Variants in DPP10 observed in about 807,000 individuals in gnomAD.
DPP10 encodes the protein inactive dipeptidyl peptidase 10.
Under a neutral mutation model 120.9 loss-of-function variants are expected in DPP10, and 33 were observed. That is an observed-to-expected ratio of 0.27 (90% CI 0.21 to 0.37). The LOEUF (loss-of-function observed/expected upper bound fraction) is 0.37, where lower values mean the gene tolerates loss of function less well. Among genes scored for constraint, DPP10 ranks in the 10% least tolerant of loss-of-function variants. DPP10 has a pLI of 1.00. For missense variants in DPP10, 816 were observed against 942.8 expected, an observed-to-expected ratio of 0.87 and a Z score of 1.76; for synonymous variants, 337 against 326.1, an observed-to-expected ratio of 1.03 and a Z score of -0.36.
chr2:115,000,145 A>G (rs1258957400), intron 1 of DPP10, among the ~76,000 whole-genome samples: 1 of 151,070 alleles, frequency 6.6e-6, no homozygotes, highest in Admixed American at 6.6e-5. Context: ...TTTTTTCTCC[A>G]TCTTTTCTAC....
chr2:115,167,170 A>G (rs1436788293), intron 1 of DPP10, among the ~76,000 whole-genome samples: 1 of 151,966 alleles, frequency 6.6e-6, no homozygotes, highest in Non-Finnish European at 1.5e-5. Context: ...GTTAAATGAA[A>G]TAATATGTAG....
chr2:114,934,623 C>CGTGT (rs144826118), intron 1 of DPP10, among the ~76,000 whole-genome samples: 1 of 150,056 alleles, frequency 6.7e-6, no homozygotes, highest in Non-Finnish European at 1.5e-5. Context: ...ACTCTGTGTG[C>CGTGT]GTGTGTGTGT....
intron 1 of DPP10, among the ~76,000 whole-genome samples, chr2:115,014,082 A>T (rs993919971): frequency 6.6e-6 from 1 of 152,198 alleles, no homozygotes; most frequent in African/African-American, 2.4e-5. Context: ...AAAATTGACC[A>T]CATAATTGGA....
intron 5 of DPP10, among the ~76,000 whole-genome samples, chr2:115,550,043 A>G (rs1017829601): frequency 6.6e-6 from 1 of 152,134 alleles, no homozygotes; most frequent in Admixed American, 6.6e-5. Context: ...GGTAGAATTA[A>G]TTCCACTCAA....
intron 5 of DPP10, among the ~76,000 whole-genome samples, chr2:115,585,451 C>T (rs183045325): frequency 8.7e-4 from 133 of 152,300 alleles, no homozygotes; most frequent in African/African-American, 3.0e-3. Flanking sequence ...TTTGTTGTTG[C>T]TAATTGCAGT....
At chr2:115,238,492 C>G (rs546179691) in intron 1 of DPP10, among the ~76,000 whole-genome samples, 24 of 152,234 alleles carry the variant, frequency 1.6e-4, no homozygotes. Flanking sequence ...TATTTCAAAT[C>G]TTATTTTTTC....
chr2:114,852,784 C>T (rs780598872), intron 1 of DPP10, among the ~76,000 whole-genome samples: 5 of 152,052 alleles, frequency 3.3e-5, no homozygotes, highest in African/African-American at 7.2e-5. Context: ...TTCTAACACC[C>T]GGCACATAGA....
intron 1 of DPP10, among the ~76,000 whole-genome samples, chr2:114,824,298 A>T (rs936250238): frequency 1.3e-5 from 2 of 152,242 alleles, no homozygotes; most frequent in Admixed American, 6.5e-5. Context: ...CTGAGATAAT[A>T]GTATGTGACT....
intron 3 of DPP10, among the ~76,000 whole-genome samples, chr2:115,380,278 G>A (rs2066205867): frequency 6.6e-6 from 1 of 152,186 alleles, no homozygotes; most frequent in Non-Finnish European, 1.5e-5. Flanking sequence ...AGCTCTTCTT[G>A]TTGAATTGAT....
intron 1 of DPP10, among the ~76,000 whole-genome samples, chr2:115,239,091 G>T (rs2058139653): frequency 6.6e-6 from 1 of 151,446 alleles, no homozygotes; most frequent in Non-Finnish European, 1.5e-5. Context: ...ATTAGATGGT[G>T]CCCCCCCCAG....
chr2:115,740,938 T>C lies in DPP10; in HGVS notation c.852+1045T>C, dbSNP rs1677181729. ...AGAAGCCATTTTTAAGCCATTTCTT[T>C]AGTGAGTTGTACTTTGTCTTTTTCA... On this transcript the variant is annotated intron_variant, in intron 9 of 25. Coordinates refer to ENST00000410059, the MANE Select transcript of DPP10 (RefSeq NM_020868.6). Among the ~76,000 whole-genome samples the C allele has an allele frequency of 3.3e-5, 5 of 152,218 alleles. No homozygotes were observed. The South Asian group carries it at 1.0e-3, about 32-fold the overall frequency.
At chr2:115,010,922 T>C (rs1034736035) in intron 1 of DPP10, among the ~76,000 whole-genome samples, 1 of 152,166 alleles carries the variant, frequency 6.6e-6, no homozygotes, top group African/African-American at 2.4e-5. Flanking sequence ...AACGTAAACA[T>C]GATCATTTCA....
At chr2:115,806,681 A>C (rs535117598) in intron 19 of DPP10, among the ~76,000 whole-genome samples, 1 of 152,286 alleles carries the variant, frequency 6.6e-6, no homozygotes, top group South Asian at 2.1e-4. Context: ...TTCGATATGT[A>C]GCCTATATGT....
intron 1 of DPP10, among the ~76,000 whole-genome samples, chr2:115,068,284 T>A (rs1707089735): frequency 6.6e-6 from 1 of 152,006 alleles, no homozygotes; most frequent in South Asian, 2.1e-4. Context: ...GGTGTGAGGT[T>A]ATTGTGGTTT....
chr2:114,760,368 C>T (rs1168032229), intron 1 of DPP10, among the ~76,000 whole-genome samples: 1 of 152,130 alleles, frequency 6.6e-6, no homozygotes, highest in African/African-American at 2.4e-5. Context: ...GGCTCCTCAA[C>T]TTGAGGTGAG....
chr2:114,768,844 A>G (rs1292665254), intron 1 of DPP10, among the ~76,000 whole-genome samples: 4 of 152,202 alleles, frequency 2.6e-5, no homozygotes, highest in African/African-American at 7.2e-5. Flanking sequence ...TGAATGTTCC[A>G]TATTTTCATA....
At chr2:114,943,525 G>A (rs776995175) in intron 1 of DPP10, among the ~76,000 whole-genome samples, 18 of 152,082 alleles carry the variant, frequency 1.2e-4, no homozygotes, top group Middle Eastern at 3.2e-3. Context: ...ACCTGCCTCG[G>A]CCTCCCAAAG....
intron 1 of DPP10, among the ~76,000 whole-genome samples, chr2:115,305,408 A>G (rs2061320808): frequency 6.6e-6 from 1 of 152,048 alleles, no homozygotes; most frequent in Non-Finnish European, 1.5e-5. Flanking sequence ...TATTAAGAGA[A>G]CAAGAGATTG....
chr2:115,733,986 A>T (rs1310341127), intron 8 of DPP10, among the ~76,000 whole-genome samples: 1 of 152,230 alleles, frequency 6.6e-6, no homozygotes, highest in African/African-American at 2.4e-5. Context: ...CATTAGTTGC[A>T]GTTAAAGAAG....
Sources: gnomAD v4.1 joint callset for allele counts (sites outside exome capture counted in the v4.1 genomes callset) on GRCh38, gnomAD v4.1.1 for gene constraint, MANE v1.5 for transcripts, NCBI Gene and HGNC (gene_info 2026-07-23, HGNC 2026-07-21) for gene names.